DLAT: variants seen among roughly 807,000 people sequenced by gnomAD.
DLAT encodes the protein dihydrolipoyllysine-residue acetyltransferase component of pyruvate dehydrogenase complex, mitochondrial.
Under a neutral mutation model 68.0 loss-of-function variants are expected in DLAT, and 43 were observed. That is an observed-to-expected ratio of 0.63 (90% CI 0.50 to 0.81). The LOEUF is 0.81. DLAT is among the 40% of genes least tolerant of loss of function. The probability of loss-of-function intolerance (pLI) is 0.00; values close to 1 mark genes in which losing one functional copy is unlikely to be tolerated. For synonymous variants in DLAT, 265 were observed against 288.6 expected (o/e 0.92, Z 0.83); for missense variants, 745 against 815.4 (o/e 0.91, Z 1.05).
At position 112,028,875 on chromosome 11, in the gene DLAT, C is replaced by G. The variant is rs781939202; in HGVS notation, c.590C>G (p.Pro197Arg). 13 of 1,614,198 alleles carry G rather than the reference C, an allele frequency of 8.1e-6. No individual in the cohort carries two copies. The highest frequency in any genetic ancestry group is 1.0e-5 in the Non-Finnish European group (12 of 1,180,032). The change falls in exon 4 of 14, where the codon CCT (proline) becomes CGT (arginine). Residue 197 changes from proline to arginine, a missense_variant. Physicochemically the swap from Pro to Arg is moderately radical, Grantham distance 103. Coordinates refer to ENST00000280346, the MANE Select transcript of DLAT (RefSeq NM_001931.5). ...PTPQAAPAPTPAATASPPTPS... is the reference protein window; with the variant it reads ...PTPQAAPAPTRAATASPPTPS... ...CCACAAGCGGCCCCAGCACCAACCC[C>G]TGCTGCCACTGCTTCGCCACCTACA...
At chr11:112,028,487 C>G in intron 2 of DLAT, 28 bp from the exon 3 acceptor site, 1 of 1,593,994 alleles carries the variant, frequency 6.3e-7, no homozygotes, top group Non-Finnish European at 8.6e-7. Context: ...ACAGTACAAA[C>G]CTGAGCTACT....
intron 3 of DLAT, 28 bp from the exon 4 acceptor site, chr11:112,028,764 A>G (rs1298146011): frequency 1.2e-6 from 2 of 1,614,064 alleles, no homozygotes; most frequent in Non-Finnish European, 1.7e-6. Flanking sequence ...TCTGCCCATT[A>G]TATTTATGCA....
chr11:112,034,192 A>G (rs1200557355), intron 5 of DLAT, among the ~76,000 whole-genome samples: 1 of 152,208 alleles, frequency 6.6e-6, no homozygotes, highest in African/African-American at 2.4e-5. Context: ...GCTGCTGTCT[A>G]AACTAGGCAA....
rs375025704 is a variant in DLAT at position 112,059,876 on chromosome 11, A to G, written c.1515-27A>G. The G allele has an allele frequency of 1.7e-5, 26 of 1,537,188 alleles. No individual in the cohort carries two copies. In the African/African-American group the frequency reaches 1.8e-4, roughly 11 times the overall value. ...ACAGGCTCTTAATAAACAGTTTTTT[A>G]TTATATTTATTTTTCTTTTTAAACA... On this transcript the variant is annotated intron_variant, in intron 11 of 13. Coordinates refer to ENST00000280346, the MANE Select transcript of DLAT (RefSeq NM_001931.5).
Position 112,025,607 on chromosome 11 carries a change from C to T in DLAT, c.135C>T (p.Arg45=). The T allele has an allele frequency of 6.2e-7, 1 of 1,613,986 alleles. No individual in the cohort carries two copies. The highest frequency in any genetic ancestry group is 8.5e-7 in the Non-Finnish European group (1 of 1,180,002). Residue 45 remains arginine, a synonymous_variant, in exon 1 of 14, where the codon CGC becomes CGT. Transcript: ENST00000280346. ...TSRSGPAPAR[R]NSVTTGYGGV... ...GATCTGGCCCGGCTCCCGCTCGTCG[C>T]AACAGCGTGACTACAGGGTATGGCG...
chr11:112,043,331 G>A (rs1041312249), intron 7 of DLAT, 135 bp from the exon 8 acceptor site: 10 of 805,288 alleles, frequency 1.2e-5, no homozygotes, highest in Non-Finnish European at 2.2e-5. Context: ...TTAAGGGGTA[G>A]GGTTAAGGCT....
At chr11:112,030,242 G>GT in intron 4 of DLAT, 1 of 575,790 alleles carries the variant, frequency 1.7e-6, no homozygotes, top group Admixed American at 2.0e-5. Context: ...ACTACCCAAA[G>GT]TTCTCGGTCG....
At chr11:112,048,783 C>T (rs1304642067) in intron 10 of DLAT, among the ~76,000 whole-genome samples, 2 of 152,044 alleles carry the variant, frequency 1.3e-5, no homozygotes, top group African/African-American at 2.4e-5. Context: ...ATCCACCCAC[C>T]TTGGCCTCCC....
At chr11:112,049,867 C>A (rs587687069) in intron 10 of DLAT, among the ~76,000 whole-genome samples, 1 of 152,040 alleles carries the variant, frequency 6.6e-6, no homozygotes, top group Non-Finnish European at 1.5e-5. Flanking sequence ...TTCATTTTGA[C>A]CTGTATGCCT....
chr11:112,026,636 T>TG (rs1323703414), intron 2 of DLAT, among the ~76,000 whole-genome samples: 3 of 152,186 alleles, frequency 2.0e-5, no homozygotes, highest in Non-Finnish European at 4.4e-5. Context: ...AGCACAGGGT[T>TG]GGGGGTAAGG....
intron 6 of DLAT, among the ~76,000 whole-genome samples, chr11:112,038,221 C>T (rs776408202): frequency 6.6e-5 from 10 of 152,000 alleles, no homozygotes; most frequent in Admixed American, 1.3e-4. Flanking sequence ...GTTGTTGAGA[C>T]GGAGTCTTGC....
chr11:112,045,165 G>C lies in DLAT; in HGVS notation c.1225G>C (p.Gly409Arg), dbSNP rs782098396. The C allele has an allele frequency of 2.5e-6, 4 of 1,613,998 alleles. No homozygotes were observed. The African/African-American group carries it at 5.3e-5, about 22-fold the overall frequency. Residue 409 changes from glycine (G) to arginine (R), a missense_variant, in exon 9 of 14, where the codon GGT (glycine) becomes CGT (arginine). Physicochemically the swap from Gly to Arg is moderately radical, Grantham distance 125. Transcript: ENST00000280346. Reference sequence around the variant, plus strand: ...TCCGGCAGCTGTTGTGCCTCCCACAGGTCCTGGAATGGCACCAGTTCCTAC... The same window carrying C: ...TCCGGCAGCTGTTGTGCCTCCCACACGTCCTGGAATGGCACCAGTTCCTAC... ...PAPAAVVPPT[G>R]PGMAPVPTGV...
chr11:112,058,288 C>T (rs1555182792), intron 11 of DLAT, among the ~76,000 whole-genome samples: 1 of 152,164 alleles, frequency 6.6e-6, no homozygotes, highest in African/African-American at 2.4e-5. Flanking sequence ...GCAGTATTTG[C>T]TGTGTGATAC....
chr11:112,054,696 T>C (rs1555182311), intron 11 of DLAT, among the ~76,000 whole-genome samples: 1 of 152,242 alleles, frequency 6.6e-6, no homozygotes, highest in Non-Finnish European at 1.5e-5. Flanking sequence ...AGGGCTGCCA[T>C]TATTAATGAC....
intron 5 of DLAT, among the ~76,000 whole-genome samples, chr11:112,035,373 G>A (rs1442124271): frequency 6.6e-6 from 1 of 152,132 alleles, no homozygotes; most frequent in African/African-American, 2.4e-5. Context: ...CAGTAGTTCT[G>A]CTTCACCATT....
intron 11 of DLAT, among the ~76,000 whole-genome samples, chr11:112,056,083 G>T (rs1306667751): frequency 6.6e-6 from 1 of 151,450 alleles, no homozygotes; most frequent in East Asian, 1.9e-4. Flanking sequence ...GGCCAGAATG[G>T]TCTCAATCTC....
At chr11:112,032,647 G>A (rs1862475794) in intron 4 of DLAT, 1 of 152,206 alleles carries the variant, frequency 6.6e-6, no homozygotes, top group East Asian at 1.9e-4. Flanking sequence ...TATCTGGTAA[G>A]GTTGGGACAA....
chr11:112,026,059 C>G (rs1374540828), intron 1 of DLAT, 139 bp from the exon 2 acceptor site: 6 of 805,180 alleles, frequency 7.5e-6, no homozygotes, highest in Non-Finnish European at 1.1e-5. Flanking sequence ...TGGACAGGAA[C>G]TCCCTTGGCA....
At chr11:112,030,946 T>C (rs916413189) in intron 4 of DLAT, among the ~76,000 whole-genome samples, 2 of 152,264 alleles carry the variant, frequency 1.3e-5, no homozygotes, top group African/African-American at 4.8e-5. Context: ...TTCTATCTCA[T>C]GATGTAAGAC....
Sources: gnomAD v4.1 joint callset for allele counts (sites outside exome capture counted in the v4.1 genomes callset) on GRCh38, gnomAD v4.1.1 for gene constraint, MANE v1.5 for transcripts, NCBI Gene and HGNC (gene_info 2026-07-23, HGNC 2026-07-21) for gene names.